Variants in ATP6V1D observed in about 807,000 individuals in gnomAD.
ATP6V1D encodes V-type proton ATPase subunit D.
ATP6V1D carries 20 observed loss-of-function variants against 39.4 expected under a neutral mutation model. That is an observed-to-expected ratio of 0.51 (90% CI 0.36 to 0.74). The LOEUF (loss-of-function observed/expected upper bound fraction) is 0.74, where lower values mean the gene tolerates loss of function less well. ATP6V1D is among the 30% of genes least tolerant of loss of function. ATP6V1D has a pLI of 0.00. For synonymous variants in ATP6V1D, 100 were observed against 100.5 expected, an observed-to-expected ratio of 0.99 and a Z score of 0.03; for missense variants, 228 against 291.6, an observed-to-expected ratio of 0.78 and a Z score of 1.59.
chr14:67,359,108 G>A (rs538507698), intron 1 of ATP6V1D, among the ~76,000 whole-genome samples: 65 of 152,326 alleles, frequency 4.3e-4, no homozygotes, highest in African/African-American at 1.5e-3. Flanking sequence ...CTCACAGCAG[G>A]TGACATTTGG....
intron 3 of ATP6V1D, among the ~76,000 whole-genome samples, 192 bp from the exon 4 acceptor site, chr14:67,349,296 T>C (rs532656031): frequency 5.3e-5 from 8 of 152,358 alleles, no homozygotes; most frequent in South Asian, 2.1e-4. Context: ...AAGCAGAGAA[T>C]GAACAATATT....
At chr14:67,356,452 A>C (rs200283083) in intron 1 of ATP6V1D, among the ~76,000 whole-genome samples, 1 of 111,728 alleles carries the variant, frequency 9.0e-6, no homozygotes, top group South Asian at 3.7e-4. Flanking sequence ...AAAAAACAAA[A>C]ACAAACAAAC....
intron 2 of ATP6V1D, among the ~76,000 whole-genome samples, chr14:67,351,947 ATTGTC>A (rs2085657192): frequency 6.6e-6 from 1 of 151,240 alleles, no homozygotes; most frequent in African/African-American, 2.4e-5. Context: ...AGAAAATCAA[ATTGTC>A]AATAAGCATG....
intron 1 of ATP6V1D, among the ~76,000 whole-genome samples, chr14:67,356,280 G>A (rs891587994): frequency 1.3e-5 from 2 of 151,928 alleles, no homozygotes; most frequent in Admixed American, 1.3e-4. Context: ...AATTAGCTGG[G>A]TATGGTGCTG....
intron 8 of ATP6V1D, 148 bp downstream of exon 8, chr14:67,340,292 G>A: frequency 1.5e-6 from 1 of 653,552 alleles, no homozygotes; most frequent in Non-Finnish European, 2.6e-6. Context: ...CACAACTTCT[G>A]GTAATAATAT....
At chr14:67,350,141 C>T (rs1218989005) in intron 3 of ATP6V1D, among the ~76,000 whole-genome samples, 4 of 152,182 alleles carry the variant, frequency 2.6e-5, no homozygotes, top group Non-Finnish European at 4.4e-5. Context: ...ACTGATGTCA[C>T]CAAAGCCATG....
Position 67,353,319 on chromosome 14 carries a change from G to A in ATP6V1D, c.42-279C>T, listed in dbSNP as rs1448494616. Reference sequence around the variant, plus strand: ...ATCTGCCCTCCATGAATGGATTAACGTCATTATGGTAAGACTGGGTTCCTT... The same window carrying A: ...ATCTGCCCTCCATGAATGGATTAACATCATTATGGTAAGACTGGGTTCCTT... On this transcript the variant is annotated intron_variant, in intron 1 of 8. Transcript: ENST00000216442. Among the ~76,000 whole-genome samples the A allele has an allele frequency of 2.6e-5, 4 of 152,166 alleles. 1 individual carries two copies. In the South Asian group the frequency reaches 6.2e-4, roughly 24 times the overall value.
chr14:67,343,680 C>T (rs1282217083), intron 6 of ATP6V1D, among the ~76,000 whole-genome samples: 1 of 152,214 alleles, frequency 6.6e-6, no homozygotes, highest in Non-Finnish European at 1.5e-5. Context: ...GCCTGGGCAA[C>T]ACAATGAGAC....
At chr14:67,347,053 C>G (rs1490899053) in intron 5 of ATP6V1D, among the ~76,000 whole-genome samples, 1 of 152,064 alleles carries the variant, frequency 6.6e-6, no homozygotes, top group Non-Finnish European at 1.5e-5. Context: ...GTGGCGTGAT[C>G]AGAACTCGCT....
intron 1 of ATP6V1D, 48 bp from the exon 2 acceptor site, chr14:67,353,088 A>G (rs2085666402): frequency 6.9e-7 from 1 of 1,451,600 alleles, no homozygotes; most frequent in Admixed American, 2.1e-5. Flanking sequence ...ATTGTTTAAA[A>G]GACAAAAAAA....
intron 1 of ATP6V1D, among the ~76,000 whole-genome samples, chr14:67,358,146 T>C (rs970001612): frequency 1.3e-5 from 2 of 152,064 alleles, no homozygotes; most frequent in Non-Finnish European, 2.9e-5. Flanking sequence ...AGGCCTTACA[T>C]TGCTAGAAGA....
At chr14:67,342,223 T>TTAAAAAA (rs1055806138) in intron 7 of ATP6V1D, among the ~76,000 whole-genome samples, 2 of 93,460 alleles carry the variant, frequency 2.1e-5, no homozygotes, top group African/African-American at 1.2e-4. Context: ...TAAAATAAAA[T>TTAAAAAA]AAAAAAAAAC....
chr14:67,348,316 C>T (rs1217409167), intron 4 of ATP6V1D, among the ~76,000 whole-genome samples: 1 of 152,100 alleles, frequency 6.6e-6, no homozygotes, highest in East Asian at 1.9e-4. Context: ...GCGATCCGCC[C>T]ACCTTGGCTT....
At chr14:67,339,243 C>T (rs971342065) in intron 8 of ATP6V1D, among the ~76,000 whole-genome samples, 2 of 152,050 alleles carry the variant, frequency 1.3e-5, no homozygotes, top group Non-Finnish European at 2.9e-5. Context: ...GTGATCCACC[C>T]GCCTTGGCCT....
At chr14:67,351,141 A>G (rs534004075) in intron 2 of ATP6V1D, among the ~76,000 whole-genome samples, 1 of 152,352 alleles carries the variant, frequency 6.6e-6, no homozygotes, top group East Asian at 1.9e-4. Flanking sequence ...TGCCTTCCCA[A>G]GTATTAAAAA....
chr14:67,355,283 C>G (rs1280554998), intron 1 of ATP6V1D, among the ~76,000 whole-genome samples: 1 of 151,662 alleles, frequency 6.6e-6, no homozygotes, highest in Non-Finnish European at 1.5e-5. Flanking sequence ...TAAATTTACA[C>G]TGAAGTCTCC....
Position 67,346,459 on chromosome 14 carries a change from A to G in ATP6V1D, c.353-588T>C, listed in dbSNP as rs2085620340. Among the ~76,000 whole-genome samples, 3 of 152,238 alleles carry G rather than the reference A, an allele frequency of 2.0e-5. No homozygotes were observed. In the South Asian group the frequency reaches 6.2e-4, roughly 32 times the overall value. ...CCCGAGTAGCTGGGACCACAGGCGC[A>G]TGCCACCAGGCCCAGCTAATTTTTG... On this transcript the variant is annotated intron_variant, in intron 5 of 8. Transcript: ENST00000216442.
intron 4 of ATP6V1D, 155 bp downstream of exon 4, chr14:67,348,882 A>G: frequency 1.4e-6 from 1 of 725,588 alleles, no homozygotes; most frequent in East Asian, 2.8e-5. Flanking sequence ...GTAATTAGAA[A>G]CCTGGTTGTT....
At chr14:67,345,235 C>T (rs2085611910) in intron 6 of ATP6V1D, among the ~76,000 whole-genome samples, 1 of 146,324 alleles carries the variant, frequency 6.8e-6, no homozygotes, top group Admixed American at 6.8e-5. Flanking sequence ...CAGTGAGACC[C>T]CATTTCGAAA....
Sources: gnomAD v4.1 joint callset for allele counts (sites outside exome capture counted in the v4.1 genomes callset) on GRCh38, gnomAD v4.1.1 for gene constraint, MANE v1.5 for transcripts, NCBI Gene and HGNC (gene_info 2026-07-23, HGNC 2026-07-21) for gene names.